ARHGAP15: variants seen among roughly 807,000 people sequenced by gnomAD.
ARHGAP15 encodes the protein Rho GTPase activating protein 15, also known as rho GTPase-activating protein 15.
In ARHGAP15, 51 loss-of-function variants were observed where a neutral mutation model predicts 63.7. That is an observed-to-expected ratio of 0.80 (90% CI 0.64 to 1.01). The LOEUF (loss-of-function observed/expected upper bound fraction) is 1.01. ARHGAP15 is among the 50% of genes least tolerant of loss of function. The pLI is 0.00. For missense variants in ARHGAP15, 560 were observed against 564.6 expected (o/e 0.99, Z 0.08); for synonymous variants, 191 against 193.8 (o/e 0.99, Z 0.12).
intron 12 of ARHGAP15, among the ~76,000 whole-genome samples, chr2:143,677,560 C>T (rs1406909162): frequency 1.3e-5 from 2 of 152,182 alleles, no homozygotes; most frequent in Non-Finnish European, 2.9e-5. Context: ...ATCTCTGCCA[C>T]CCATAGCACC....
intron 11 of ARHGAP15, among the ~76,000 whole-genome samples, chr2:143,619,461 GC>G (rs2105232773): frequency 6.6e-6 from 1 of 152,146 alleles, no homozygotes; most frequent in South Asian, 2.1e-4. Context: ...AAGCTTTAAG[GC>G]AAAACCATAA....
rs1690034906 is a variant in ARHGAP15, at chr2:143,155,352, C to G, written c.-14-125C>G. ...AGGAACTACTTTTTTCTTCACTAGT[C>G]AGAGAGGTGAAGACTCTTGTTTATC... On this transcript the variant is annotated intron_variant, in intron 1 of 13. Transcript: ENST00000295095. 4 of 895,486 alleles carry G rather than the reference C, an allele frequency of 4.5e-6. No individual in the cohort carries two copies. The East Asian group carries it at 1.2e-4, about 27-fold the overall frequency. The allele number at this position is 895,486 out of a possible 1,614,324, so 55.5% of individuals were successfully genotyped here. A position where few individuals can be genotyped will look rare whatever the true frequency, so the allele number is the denominator to read the frequency against.
intron 5 of ARHGAP15, chr2:143,236,061 G>A: frequency 6.9e-7 from 1 of 1,445,786 alleles, no homozygotes; most frequent in East Asian, 2.6e-5. Context: ...AAGAAGCTCT[G>A]CAATTTAGAA....
intron 6 of ARHGAP15, among the ~76,000 whole-genome samples, chr2:143,302,797 A>G (rs756452173): frequency 1.3e-4 from 20 of 152,066 alleles, no homozygotes; most frequent in African/African-American, 4.3e-4. Flanking sequence ...TCAATTGAAT[A>G]AATCATGAGC....
chr2:143,654,301 C>T (rs1209891498), intron 12 of ARHGAP15, among the ~76,000 whole-genome samples: 1 of 152,090 alleles, frequency 6.6e-6, no homozygotes, highest in East Asian at 1.9e-4. Context: ...GCCCAGTTTG[C>T]TACCTATATA....
intron 10 of ARHGAP15, among the ~76,000 whole-genome samples, chr2:143,550,000 T>G (rs987886587): frequency 1.3e-5 from 2 of 152,096 alleles, no homozygotes; most frequent in Non-Finnish European, 2.9e-5. Flanking sequence ...TATTTGATAA[T>G]CCATCTTAAA....
At chr2:143,439,819 C>A (rs571760663) in intron 8 of ARHGAP15, among the ~76,000 whole-genome samples, 2 of 151,940 alleles carry the variant, frequency 1.3e-5, no homozygotes, top group Non-Finnish European at 2.9e-5. Flanking sequence ...TAGTTTATAT[C>A]GAACTTAGAC....
At chr2:143,471,178 GTGTGTGTATATATACACACATATA>G (rs533232138) in intron 8 of ARHGAP15, among the ~76,000 whole-genome samples, 2,997 of 144,718 alleles carry the variant, frequency 0.021, 50 homozygotes, top group Non-Finnish European at 0.026. Flanking sequence ...ATATGAATAT[GTGTGTGTATATATACACACATATA>G]TGTGTGTATA....
At chr2:143,682,778 G>C (rs1197398398) in intron 12 of ARHGAP15, 1 of 152,092 alleles carries the variant, frequency 6.6e-6, no homozygotes, top group African/African-American at 2.4e-5. Flanking sequence ...TTGCTAATTT[G>C]ATCATAGCAC....
intron 11 of ARHGAP15, among the ~76,000 whole-genome samples, chr2:143,582,589 C>A (rs371175929): frequency 3.2e-4 from 49 of 152,252 alleles, no homozygotes; most frequent in African/African-American, 1.1e-3. Context: ...CAGTGGCAAC[C>A]GATGAGTGAG....
intron 6 of ARHGAP15, among the ~76,000 whole-genome samples, chr2:143,251,684 T>C (rs1680165269): frequency 6.6e-6 from 1 of 152,002 alleles, no homozygotes; most frequent in Non-Finnish European, 1.5e-5. Flanking sequence ...AGTGAGAGAA[T>C]ATATGCAATT....
chr2:143,527,587 A>G (rs1423069564), intron 10 of ARHGAP15, among the ~76,000 whole-genome samples: 2 of 152,074 alleles, frequency 1.3e-5, no homozygotes, highest in Non-Finnish European at 2.9e-5. Context: ...TCTTGAGGTT[A>G]TAGTAGACCA....
intron 3 of ARHGAP15, among the ~76,000 whole-genome samples, chr2:143,205,216 G>A (rs1221114931): frequency 1.3e-5 from 2 of 151,196 alleles, no homozygotes; most frequent in African/African-American, 4.9e-5. Flanking sequence ...GAACATTTGG[G>A]GTGGAGGTTG....
chr2:143,675,822 T>G (rs1311530657), intron 12 of ARHGAP15, among the ~76,000 whole-genome samples: 2 of 152,202 alleles, frequency 1.3e-5, no homozygotes, highest in African/African-American at 4.8e-5. Flanking sequence ...GGCTTCAACT[T>G]AAAGTCACCA....
intron 13 of ARHGAP15, among the ~76,000 whole-genome samples, chr2:143,762,476 G>A (rs906964871): frequency 2.0e-5 from 3 of 152,160 alleles, no homozygotes; most frequent in Admixed American, 6.6e-5. Flanking sequence ...GAACTAGCCG[G>A]AATGACCAGA....
chr2:143,693,433 C>A (rs976737400), intron 12 of ARHGAP15, among the ~76,000 whole-genome samples: 4 of 152,182 alleles, frequency 2.6e-5, no homozygotes, highest in African/African-American at 9.7e-5. Context: ...ACTCCCTCTT[C>A]ATTATAAAAG....
intron 6 of ARHGAP15, among the ~76,000 whole-genome samples, chr2:143,409,941 T>C (rs1688374965): frequency 6.6e-6 from 1 of 152,114 alleles, no homozygotes; most frequent in Non-Finnish European, 1.5e-5. Context: ...TGACTGTACT[T>C]TGAATGCTGT....
At chr2:143,134,768 G>A (rs1689067480) in intron 1 of ARHGAP15, among the ~76,000 whole-genome samples, 1 of 150,814 alleles carries the variant, frequency 6.6e-6, no homozygotes, top group Admixed American at 6.6e-5. Context: ...CTGAGTAGCT[G>A]GGACTACAGG....
At chr2:143,171,645 A>G (rs1158923235) in intron 2 of ARHGAP15, among the ~76,000 whole-genome samples, 1 of 152,106 alleles carries the variant, frequency 6.6e-6, no homozygotes, top group Non-Finnish European at 1.5e-5. Flanking sequence ...CTTGTTGATG[A>G]AAAATTTGAT....
Sources: gnomAD v4.1 joint callset for allele counts (sites outside exome capture counted in the v4.1 genomes callset) on GRCh38, gnomAD v4.1.1 for gene constraint, MANE v1.5 for transcripts, NCBI Gene and HGNC (gene_info 2026-07-23, HGNC 2026-07-21) for gene names.